TRPS1: variants seen among roughly 807,000 people sequenced by gnomAD.
TRPS1 encodes transcriptional repressor GATA binding 1.
A neutral mutation model predicts 101.2 loss-of-function variants in TRPS1; 6 were observed. The observed-to-expected ratio is 0.06, with a 90% confidence interval of 0.03 to 0.12. The LOEUF is 0.12. TRPS1 is among the 10% of genes least tolerant of loss of function. TRPS1 has a pLI of 1.00. For missense variants in TRPS1, 1,363 were observed against 1,567.0 expected (o/e 0.87, Z 2.20); for synonymous variants, 578 against 589.8 (o/e 0.98, Z 0.29).
At chr8:115,435,998 TCACACACACACACACACA>T (rs4027183) in intron 5 of TRPS1, among the ~76,000 whole-genome samples, 15 of 134,080 alleles carry the variant, frequency 1.1e-4, no homozygotes, top group African/African-American at 3.2e-4. Context: ...AAATGAGAAA[TCACACACACACACACACA>T]CACACACACA....
At chr8:115,485,963 T>C (rs1242239067) in intron 5 of TRPS1, among the ~76,000 whole-genome samples, 1 of 152,192 alleles carries the variant, frequency 6.6e-6, no homozygotes, top group East Asian at 1.9e-4. Flanking sequence ...CTCCATAAAA[T>C]TATGCTCCTT....
intron 5 of TRPS1, among the ~76,000 whole-genome samples, chr8:115,550,008 G>T (rs186366502): frequency 2.1e-4 from 32 of 152,300 alleles, no homozygotes; most frequent in Non-Finnish European, 3.7e-4. Flanking sequence ...CTGAGGTCAG[G>T]AGTTTGAGAC....
intron 5 of TRPS1, among the ~76,000 whole-genome samples, chr8:115,436,184 T>C (rs1813448666): frequency 6.6e-6 from 1 of 152,152 alleles, no homozygotes; most frequent in Non-Finnish European, 1.5e-5. Flanking sequence ...AAGGAAATCT[T>C]CTGACTCATG....
chr8:115,558,322 C>T (rs192096450), intron 5 of TRPS1, among the ~76,000 whole-genome samples: 52 of 152,204 alleles, frequency 3.4e-4, no homozygotes, highest in South Asian at 1.5e-3. Context: ...CTCCCACTGG[C>T]GTTCAATCAA....
At chr8:115,602,036 T>A (rs1011760171) in intron 4 of TRPS1, among the ~76,000 whole-genome samples, 1 of 152,052 alleles carries the variant, frequency 6.6e-6, no homozygotes, top group Non-Finnish European at 1.5e-5. Flanking sequence ...ACCTAAAGCA[T>A]GTGAAAACCC....
At chr8:115,592,093 G>T (rs1191393089) in intron 4 of TRPS1, among the ~76,000 whole-genome samples, 7 of 152,152 alleles carry the variant, frequency 4.6e-5, no homozygotes, top group Admixed American at 4.6e-4. Context: ...TCTTCTAACA[G>T]AGAAAAAAGA....
intron 1 of TRPS1, among the ~76,000 whole-genome samples, chr8:115,658,001 C>T (rs1811712648): frequency 6.6e-6 from 1 of 151,382 alleles, no homozygotes; most frequent in South Asian, 2.1e-4. Flanking sequence ...AATATTAGAC[C>T]CCAAACAGTG....
At chr8:115,491,361 A>C (rs1337699272) in intron 5 of TRPS1, among the ~76,000 whole-genome samples, 1 of 152,196 alleles carries the variant, frequency 6.6e-6, no homozygotes, top group Non-Finnish European at 1.5e-5. Flanking sequence ...CAATATGTAC[A>C]GGGTGTTAGC....
In TRPS1 at chr8:115,559,053, C is replaced by T. The variant is rs76937265; in HGVS notation, c.2700+27948G>A. On this transcript the variant is annotated intron_variant, in intron 5 of 6. Transcript: ENST00000395715. ...ATTTCAAAATCTACTAAACACCATA[C>T]AATTTCAAGATAAAACCTCTGTCTT... 3.7e-3 allele frequency among the ~76,000 whole-genome samples: 562 copies of T among 152,194 alleles called. 9 individuals carry two copies. Among genetic ancestry groups the T allele is most frequent in the African/African-American group, 0.013 (543 of 41,542 alleles).
intron 5 of TRPS1, among the ~76,000 whole-genome samples, chr8:115,536,949 A>C (rs1483583): frequency 1.3e-5 from 2 of 151,896 alleles, no homozygotes; most frequent in Non-Finnish European, 2.9e-5. Context: ...ATTGCCTTAA[A>C]GGAAAATTGA....
chr8:115,543,159 T>C lies in TRPS1; in HGVS notation c.2700+43842A>G, dbSNP rs117063148. Among the ~76,000 whole-genome samples, 108 of 151,878 alleles carry C rather than the reference T, an allele frequency of 7.1e-4. 2 individuals are homozygous for C. The South Asian group carries it at 0.021, about 30-fold the overall frequency. ...CACCACTTGAAACACAAAGGGAAAA[T>C]AAGTAAGTGGGCTCGCTGTTGTTAT... is the stretch of plus-strand genomic sequence containing the variant. On this transcript the variant is annotated intron_variant, in intron 5 of 6. Transcript: ENST00000395715.
intron 5 of TRPS1, among the ~76,000 whole-genome samples, chr8:115,487,015 A>G (rs1348955770): frequency 6.6e-6 from 1 of 152,210 alleles, no homozygotes; most frequent in African/African-American, 2.4e-5. Context: ...AGAAAATTCA[A>G]TGCCTGGACT....
At chr8:115,536,492 C>G (rs1816324295) in intron 5 of TRPS1, among the ~76,000 whole-genome samples, 1 of 144,100 alleles carries the variant, frequency 6.9e-6, no homozygotes. Flanking sequence ...CACTGCACTG[C>G]AGCCTGGGCG....
At chr8:115,531,241 G>A (rs966554630) in intron 5 of TRPS1, among the ~76,000 whole-genome samples, 2 of 152,192 alleles carry the variant, frequency 1.3e-5, no homozygotes, top group African/African-American at 4.8e-5. Flanking sequence ...CAGGCAGACT[G>A]AAGTAATAGA....
chr8:115,611,613 G>T (rs1221892357), intron 3 of TRPS1, among the ~76,000 whole-genome samples: 2 of 152,208 alleles, frequency 1.3e-5, no homozygotes, highest in Admixed American at 1.3e-4. Flanking sequence ...CAACTGAGCT[G>T]TGGACAGATG....
At chr8:115,474,893 T>C (rs559130716) in intron 5 of TRPS1, among the ~76,000 whole-genome samples, 4 of 152,136 alleles carry the variant, frequency 2.6e-5, no homozygotes, top group South Asian at 2.1e-4. Flanking sequence ...CAAACCATGA[T>C]GGTGCAGGCT....
Position 115,581,191 on chromosome 8 carries a change from T to TA in TRPS1, c.2700+5809dup, listed in dbSNP as rs772104490. Among the ~76,000 whole-genome samples, 498 of 139,924 alleles carry TA rather than the reference T, an allele frequency of 3.6e-3. 2 individuals are homozygous for TA. Among genetic ancestry groups the TA allele is most frequent in the East Asian group, 6.4e-3 (31 of 4,868 alleles). 91.8% of individuals were successfully genotyped at this position (139,924 alleles called of 152,430 possible). Reference sequence around the variant, plus strand: ...CATGTTCTCACTTATATGTGGAAGCTAAAAAAAAAAAAAATTTATCTTGTA... The same window carrying TA: ...CATGTTCTCACTTATATGTGGAAGCTAAAAAAAAAAAAAAATTTATCTTGTA... On this transcript the variant is annotated intron_variant, in intron 5 of 6. Transcript: ENST00000395715.
At chr8:115,459,153 C>T (rs561058418) in intron 5 of TRPS1, among the ~76,000 whole-genome samples, 8 of 152,124 alleles carry the variant, frequency 5.3e-5, no homozygotes, top group South Asian at 2.1e-4. Context: ...CTGGCTAACA[C>T]GGTGAAACCC....
At chr8:115,550,902 C>G (rs950103532) in intron 5 of TRPS1, among the ~76,000 whole-genome samples, 25 of 152,184 alleles carry the variant, frequency 1.6e-4, no homozygotes, top group African/African-American at 5.8e-4. Context: ...CGGACAATTT[C>G]ATGCTAACAT....
Sources: gnomAD v4.1 joint callset for allele counts (sites outside exome capture counted in the v4.1 genomes callset) on GRCh38, gnomAD v4.1.1 for gene constraint, MANE v1.5 for transcripts, NCBI Gene and HGNC (gene_info 2026-07-23, HGNC 2026-07-21) for gene names.